TMPRSS5: variants seen among roughly 807,000 people sequenced by gnomAD.
TMPRSS5 encodes transmembrane serine protease 5.
TMPRSS5 carries 45 observed loss-of-function variants against 59.7 expected under a neutral mutation model. The ratio of observed to expected loss-of-function variants is 0.75; its 90% CI spans 0.59 to 0.97. The LOEUF (loss-of-function observed/expected upper bound fraction) is 0.97. Ranked by LOEUF, TMPRSS5 falls within the 50% of genes least tolerant of loss-of-function variation. TMPRSS5 has a pLI of 0.00. For synonymous variants in TMPRSS5, 225 were observed against 232.0 expected, an observed-to-expected ratio of 0.97 and a Z score of 0.27; for missense variants, 585 against 596.7, an observed-to-expected ratio of 0.98 and a Z score of 0.20.
rs747878499 is a variant in TMPRSS5, at chr11:113,699,658, C to A, written c.142G>T (p.Gly48Cys). 1 of 1,585,474 alleles carries A rather than the reference C, an allele frequency of 6.3e-7. No homozygotes were observed. Among genetic ancestry groups the A allele is most frequent in the Admixed American group, 1.8e-5 (1 of 55,392 alleles). The stretch of plus-strand genomic sequence containing the variant: ...CCCAGGGCTCCCAGCACTGCACAGC[C>A]ACGTCGCATGGAACGCCAGCACACT... ...QAVCWRSMRR[G>C]CAVLGALGLL... Residue 48 changes from glycine to cysteine, a missense_variant, in exon 3 of 13, where the codon GGC becomes TGC. Gly to Cys is a radical substitution (Grantham distance 159, BLOSUM62 -3). Coordinates refer to ENST00000299882, the MANE Select transcript of TMPRSS5 (RefSeq NM_030770.4).
chr11:113,690,884 C>T lies in TMPRSS5; in HGVS notation c.1020G>A (p.Ser340=), dbSNP rs180841444. 105 of 1,597,192 alleles carry T rather than the reference C, an allele frequency of 6.6e-5. No individual in the cohort carries two copies. Among genetic ancestry groups the T allele is most frequent in the African/African-American group, 6.0e-4 (45 of 74,702 alleles). ...PAKEQHFPKG[S]RCWVSGWGHT... is the part of the protein sequence containing the mutation. ...GGCCCCAGCCAGACACCCAGCACCG[C>T]GAGCCCTTCGGAAAATGCTGTTCCT... The change falls in exon 10 of 13, where the codon TCG becomes TCA. Residue 340 remains serine (S), a synonymous_variant. Transcript: ENST00000299882.
rs1225044150 is a variant in TMPRSS5 at position 113,700,079 on chromosome 11, G to A, written c.93C>T (p.Asp31=). The part of the protein sequence containing the change: ...GPGIFRAEPG[D]QQHPISQAVC... Reference sequence around the variant, plus strand: ...AGTCTGGCCTACTGGGATGCTGCTGGTCTCCAGGCTCTGCTCTGAAGATCC... The same window carrying A: ...AGTCTGGCCTACTGGGATGCTGCTGATCTCCAGGCTCTGCTCTGAAGATCC... Residue 31 remains aspartate, a synonymous_variant, in exon 2 of 13, where the codon GAC becomes GAT. Transcript: ENST00000299882. 4 of 1,568,328 alleles carry A rather than the reference G, an allele frequency of 2.6e-6. No individual in the cohort carries two copies. Among genetic ancestry groups the A allele is most frequent in the Non-Finnish European group, 8.6e-7 (1 of 1,156,268 alleles).
chr11:113,690,179 C>CCG, intron 11 of TMPRSS5, 52 bp downstream of exon 11: 1 of 897,668 alleles, frequency 1.1e-6, no homozygotes, highest in Non-Finnish European at 1.7e-6. Context: ...GCCCCCTGCC[C>CCG]TCCCACCCCC....
At chr11:113,688,964 G>A (rs1952681124) in intron 12 of TMPRSS5, among the ~76,000 whole-genome samples, 1 of 152,164 alleles carries the variant, frequency 6.6e-6, no homozygotes, top group Non-Finnish European at 1.5e-5. Context: ...TGCAGAACCC[G>A]AACTGCTAAA....
intron 9 of TMPRSS5, among the ~76,000 whole-genome samples, chr11:113,691,383 C>A (rs183071635): frequency 6.6e-6 from 1 of 152,174 alleles, no homozygotes; most frequent in Non-Finnish European, 1.5e-5. Flanking sequence ...ACGCCATGTC[C>A]TTTTCAATTC....
rs267602699 is a variant in TMPRSS5 at position 113,695,414 on chromosome 11, G to T, written c.608C>A (p.Ser203Tyr). ...ATATGACTCACCAGAGCATCTGAGG[G>T]AAACAACTTGACCAGAAGTGCAGTT... ...RNNCTSGQVV[S>Y]LRCSECGARP... The change falls in exon 7 of 13, where the codon TCC becomes TAC. Residue 203 changes from serine to tyrosine, a missense_variant. Transcript: ENST00000299882. 3 of 1,613,964 alleles carry T rather than the reference G, an allele frequency of 1.9e-6. No homozygotes were observed. The highest frequency in any genetic ancestry group is 1.7e-5 in the Admixed American group (1 of 60,022).
At position 113,689,126 on chromosome 11, in the gene TMPRSS5, G is replaced by A. The variant is rs565965367; in HGVS notation, c.1359+639C>T. 8.8e-4 allele frequency among the ~76,000 whole-genome samples: 134 copies of A among 152,334 alleles called. 1 individual carries two copies. Among genetic ancestry groups the A allele is most frequent in the African/African-American group, 3.1e-3 (131 of 41,596 alleles). ...TAATCCCAGCACTTTGGGAGGCCAA[G>A]GCTGGTGGATCACCTGAGCTCAGGA... On this transcript the variant is annotated intron_variant, in intron 12 of 12. Coordinates refer to ENST00000299882, the MANE Select transcript of TMPRSS5 (RefSeq NM_030770.4).
At chr11:113,700,205 A>C in intron 1 of TMPRSS5, 37 bp from the exon 2 acceptor site, 2 of 1,478,292 alleles carry the variant, frequency 1.4e-6, no homozygotes, top group Non-Finnish European at 1.8e-6. Context: ...GGATCCCCAC[A>C]TCAAGGACTG....
chr11:113,689,457 G>A (rs1273492705), intron 12 of TMPRSS5, among the ~76,000 whole-genome samples: 4 of 152,132 alleles, frequency 2.6e-5, no homozygotes, highest in South Asian at 2.1e-4. Context: ...TAGCATATAA[G>A]TAGCCATCAT....
intron 8 of TMPRSS5, among the ~76,000 whole-genome samples, chr11:113,694,005 C>T (rs977388851): frequency 1.2e-4 from 18 of 152,220 alleles, no homozygotes; most frequent in Non-Finnish European, 5.9e-5. Context: ...CGGTGGCTCA[C>T]GCCTGTTATC....
At chr11:113,692,942 T>A (rs1952822981) in intron 9 of TMPRSS5, 129 bp downstream of exon 9, 1 of 1,049,766 alleles carries the variant, frequency 9.5e-7, no homozygotes, top group Non-Finnish European at 1.4e-6. Context: ...AGTCCCAAAA[T>A]AAATAGAATG....
chr11:113,699,264 TCTCTCTCC>T (rs1565263737), intron 3 of TMPRSS5, among the ~76,000 whole-genome samples: 2,421 of 95,308 alleles, frequency 0.025, 374 homozygotes, highest in South Asian at 0.076. Flanking sequence ...TCTCTCTCTC[TCTCTCTCC>T]CTCTCTCTCT....
chr11:113,699,767 C>A, intron 2 of TMPRSS5, 74 bp from the exon 3 acceptor site: 2 of 1,481,532 alleles, frequency 1.3e-6, no homozygotes, highest in Non-Finnish European at 1.8e-6. Flanking sequence ...TAAGTCACCA[C>A]TATGGGGCTA....
intron 12 of TMPRSS5, 78 bp downstream of exon 12, chr11:113,689,687 C>T (rs994253984): frequency 6.6e-7 from 1 of 1,513,038 alleles, no homozygotes; most frequent in Admixed American, 2.0e-5. Flanking sequence ...AGGGCCCGGG[C>T]CTAAGGGGTA....
rs796528913 is a variant in TMPRSS5 at position 113,699,266 on chromosome 11, T to C, written c.206-239A>G. ...CTCTCTCTCTCTCTCTCTCTCTCTC[T>C]CTCTCCCTCTCTCTCTCTCTCTCTC... On this transcript the variant is annotated intron_variant, in intron 3 of 12. Transcript: ENST00000299882. Among the ~76,000 whole-genome samples, 419 of 75,610 alleles carry C rather than the reference T, an allele frequency of 5.5e-3. 8 individuals are homozygous for C. The highest frequency in any genetic ancestry group is 7.8e-3 in the Non-Finnish European group (291 of 37,212). 49.6% of individuals were successfully genotyped at this position (75,610 alleles called of 152,430 possible).
chr11:113,690,176 G>GCCCCGCCCC, intron 11 of TMPRSS5, 55 bp downstream of exon 11: 1 of 388,230 alleles, frequency 2.6e-6, no homozygotes, highest in Non-Finnish European at 4.2e-6. Context: ...CAGGCCCCCT[G>GCCCCGCCCC]CCCTCCCACC....
chr11:113,700,247 C>T, intron 1 of TMPRSS5, 79 bp from the exon 2 acceptor site: 3 of 1,266,332 alleles, frequency 2.4e-6, no homozygotes, highest in Admixed American at 2.9e-5. Flanking sequence ...TCCAAGTCCC[C>T]ATTCTTTAAC....
chr11:113,700,159 G>T lies in TMPRSS5; in HGVS notation c.13C>A (p.Leu5Met). 1 of 1,568,618 alleles carries T rather than the reference G, an allele frequency of 6.4e-7. No homozygotes were observed. Among genetic ancestry groups the T allele is most frequent in the African/African-American group, 1.3e-5 (1 of 74,086 alleles). The change falls in exon 2 of 13, where the codon CTG (leucine) becomes ATG (methionine). Residue 5 changes from leucine to methionine, a missense_variant. Coordinates refer to ENST00000299882, the MANE Select transcript of TMPRSS5 (RefSeq NM_030770.4). MSLM[L>M]DDQPPMEAQY... Reference sequence around the variant, plus strand: ...GCCTCCATAGGGGGTTGGTCATCCAGCATCAGGCTCTGGGGAAATAAGGGC... The same window carrying T: ...GCCTCCATAGGGGGTTGGTCATCCATCATCAGGCTCTGGGGAAATAAGGGC...
At chr11:113,689,409 T>C (rs1952697243) in intron 12 of TMPRSS5, among the ~76,000 whole-genome samples, 1 of 152,046 alleles carries the variant, frequency 6.6e-6, no homozygotes, top group Non-Finnish European at 1.5e-5. Flanking sequence ...AGCACTGTGC[T>C]AGGCATTGTA....
Sources: allele counts gnomAD v4.1 joint callset (sites outside exome capture counted in the v4.1 genomes callset), GRCh38; gene constraint gnomAD v4.1.1; transcripts MANE v1.5; gene names NCBI Gene and HGNC (gene_info 2026-07-23, HGNC 2026-07-21).